The following TBXAS1 variants were observed in gnomAD, a reference collection of about 807,000 sequenced individuals.
The protein encoded by TBXAS1 is thromboxane A synthase 1.
In TBXAS1, 48 loss-of-function variants were observed where a neutral mutation model predicts 60.7. The observed-to-expected ratio is 0.79, with a 90% confidence interval of 0.63 to 1.01. The LOEUF is 1.01. TBXAS1 is among the 50% of genes least tolerant of loss of function. The pLI, the probability that TBXAS1 is intolerant of heterozygous loss-of-function variation, is 0.00. For missense variants in TBXAS1, 685 were observed against 686.3 expected (o/e 1.00, Z 0.02); for synonymous variants, 287 against 269.7 (o/e 1.06, Z -0.63).
chr7:139,784,632 A>T (rs1322659889), intron 3 of TBXAS1, among the ~76,000 whole-genome samples: 2 of 152,262 alleles, frequency 1.3e-5, no homozygotes, highest in African/African-American at 4.8e-5. Flanking sequence ...ATTGCTAAAC[A>T]TGCAAAGCAA....
At chr7:139,969,600 A>G (rs1365841478) in intron 9 of TBXAS1, among the ~76,000 whole-genome samples, 1 of 152,196 alleles carries the variant, frequency 6.6e-6, no homozygotes, top group Non-Finnish European at 1.5e-5. Flanking sequence ...TGGAAAAAAA[A>G]AATGTCTTCC....
chr7:139,978,292 T>C (rs986741568), intron 9 of TBXAS1, among the ~76,000 whole-genome samples: 1 of 152,010 alleles, frequency 6.6e-6, no homozygotes, highest in African/African-American at 2.4e-5. Context: ...GGTGGATCAT[T>C]TGGGCCCAGG....
At chr7:139,989,203 C>T (rs1189427372) in intron 9 of TBXAS1, among the ~76,000 whole-genome samples, 30 of 152,214 alleles carry the variant, frequency 2.0e-4, no homozygotes, top group Non-Finnish European at 1.5e-5. Context: ...GGGTTGCCCT[C>T]ATTGGCCTGG....
intron 9 of TBXAS1, among the ~76,000 whole-genome samples, chr7:139,966,748 C>T (rs1015402434): frequency 6.6e-6 from 1 of 152,196 alleles, no homozygotes; most frequent in Non-Finnish European, 1.5e-5. Context: ...CCAGTCTGGC[C>T]CAGATGAAAA....
chr7:139,813,010 C>G (rs886872771), intron 4 of TBXAS1, among the ~76,000 whole-genome samples: 2 of 151,478 alleles, frequency 1.3e-5, no homozygotes, highest in African/African-American at 4.9e-5. Context: ...TGAGCCAAGA[C>G]CATGCCACTG....
intron 5 of TBXAS1, among the ~76,000 whole-genome samples, chr7:139,951,932 A>G (rs1219916377): frequency 3.2e-5 from 2 of 62,628 alleles, no homozygotes; most frequent in Admixed American, 2.0e-4. Context: ...AAAGAAAGAG[A>G]GAAAGAAGGA....
intron 12 of TBXAS1, among the ~76,000 whole-genome samples, chr7:140,018,509 A>T (rs1815280105): frequency 6.6e-6 from 1 of 151,908 alleles, no homozygotes; most frequent in Non-Finnish European, 1.5e-5. Flanking sequence ...TCACCCAGAG[A>T]GCTGAGCTCT....
intron 3 of TBXAS1, among the ~76,000 whole-genome samples, chr7:139,901,326 C>CAAAA (rs8192825): frequency 8.1e-6 from 1 of 123,270 alleles, no homozygotes; most frequent in Non-Finnish European, 1.8e-5. Flanking sequence ...AATATTACTA[C>CAAAA]AAAAAAAAAA....
intron 5 of TBXAS1, among the ~76,000 whole-genome samples, chr7:139,949,645 G>A (rs1333873726): frequency 6.6e-6 from 1 of 152,220 alleles, no homozygotes; most frequent in African/African-American, 2.4e-5. Flanking sequence ...AAAGCATACA[G>A]TAGTCATGAA....
At chr7:139,829,185 C>A, upstream of TBXAS1, 2 of 683,090 alleles carry the variant, frequency 2.9e-6, no homozygotes, top group Non-Finnish European at 5.3e-6. Context: ...TTCCTTTACA[C>A]TGAAACCCTT....
intron 9 of TBXAS1, among the ~76,000 whole-genome samples, chr7:139,963,416 C>T (rs1810524969): frequency 6.6e-6 from 1 of 152,232 alleles, no homozygotes; most frequent in Non-Finnish European, 1.5e-5. Context: ...AAGCATGTCT[C>T]CTATTTCATC....
At chr7:139,911,611 C>T (rs1396838866) in intron 4 of TBXAS1, among the ~76,000 whole-genome samples, 4 of 152,104 alleles carry the variant, frequency 2.6e-5, no homozygotes, top group South Asian at 2.1e-4. Context: ...GGTTCAAAGC[C>T]GGGGGAATCC....
chr7:139,797,498 A>G (rs779312010), intron 4 of TBXAS1: 1 of 152,228 alleles, frequency 6.6e-6, no homozygotes, highest in Non-Finnish European at 1.5e-5. Context: ...GAAGCATTGC[A>G]AAGTCTTGTT....
intron 10 of TBXAS1, among the ~76,000 whole-genome samples, chr7:140,007,624 G>A (rs770513049): frequency 1.5e-4 from 23 of 152,116 alleles, no homozygotes; most frequent in Non-Finnish European, 2.9e-4. Context: ...TCAGACAGTA[G>A]GGGACTGTCT....
At chr7:139,840,955 G>A (rs374084759) in intron 1 of TBXAS1, among the ~76,000 whole-genome samples, 2 of 152,184 alleles carry the variant, frequency 1.3e-5, no homozygotes, top group Non-Finnish European at 2.9e-5. Context: ...TCTGGACTCC[G>A]TGACTTCTAT....
chr7:139,878,977 C>T (rs1038615510), intron 3 of TBXAS1, among the ~76,000 whole-genome samples: 1 of 152,146 alleles, frequency 6.6e-6, no homozygotes, highest in African/African-American at 2.4e-5. Flanking sequence ...CAAATCTCCT[C>T]ACTGCTCGAG....
chr7:139,953,328 G>A (rs369902223), intron 5 of TBXAS1, 40 bp from the exon 6 acceptor site: 75 of 1,564,446 alleles, frequency 4.8e-5, no homozygotes, highest in African/African-American at 8.1e-5. Context: ...GTGTACTCCC[G>A]GCATGGTGCC....
At chr7:139,817,165 T>C (rs4726838) in intron 4 of TBXAS1, among the ~76,000 whole-genome samples, 106,796 of 151,840 alleles carry the variant, frequency 0.7, 39,337 homozygotes, top group East Asian at 0.92. Flanking sequence ...TCCTAGATTC[T>C]GGTAGGGATC....
At chr7:139,891,391 A>G (rs1364724511) in intron 3 of TBXAS1, among the ~76,000 whole-genome samples, 1 of 152,030 alleles carries the variant, frequency 6.6e-6, no homozygotes, top group East Asian at 1.9e-4. Context: ...AACATCCCTG[A>G]GAGTTTGGCC....
Sources: gnomAD v4.1 joint callset for allele counts (sites outside exome capture counted in the v4.1 genomes callset) on GRCh38, gnomAD v4.1.1 for gene constraint, MANE v1.5 for transcripts, NCBI Gene and HGNC (gene_info 2026-07-23, HGNC 2026-07-21) for gene names.